Variants in PHC3 observed in about 807,000 individuals in gnomAD.
The protein encoded by PHC3 is polyhomeotic homolog 3.
A neutral mutation model predicts 107.4 loss-of-function variants in PHC3; 13 were observed. The ratio of observed to expected loss-of-function variants is 0.12; its 90% CI spans 0.08 to 0.19. PHC3 has a LOEUF of 0.19. Ranked by LOEUF, PHC3 falls within the 10% of genes least tolerant of loss-of-function variation. The pLI is 1.00. For synonymous variants in PHC3, 456 were observed against 427.4 expected (o/e 1.07, Z -0.83); for missense variants, 992 against 1,210.9 (o/e 0.82, Z 2.68).
intron 8 of PHC3, 62 bp from the exon 9 acceptor site, chr3:170,122,806 TA>T (rs765430737): frequency 3.6e-5 from 56 of 1,551,104 alleles, no homozygotes; most frequent in Non-Finnish European, 4.8e-5. Context: ...CAGGTGTTCT[TA>T]ATTTCAGAAA....
chr3:170,117,384 A>C lies in PHC3; in HGVS notation c.2035T>G (p.Leu679Val), dbSNP rs867365126. The C allele has an allele frequency of 6.2e-7, 1 of 1,613,916 alleles. No homozygotes were observed. Among genetic ancestry groups the C allele is most frequent in the Admixed American group, 1.7e-5 (1 of 60,018 alleles). ...PSHVSVPPPP[L>V]LLPAATTRSN... is the part of the protein sequence containing the mutation. ...CTTGTGGTGGCAGCTGGAAGTAACA[A>C]TGGAGGTGGTGGAACAGAAACATGT... The change falls in exon 10 of 15, where the codon TTG (leucine) becomes GTG (valine). Residue 679 changes from leucine to valine, a missense_variant. Leu to Val is a conservative substitution (Grantham distance 32). This residue lies in a region of PHC3 where 543 missense variants were observed against 590.8 expected (regional missense o/e 0.92). Transcript: ENST00000495893.
chr3:170,139,403 A>G (rs1002722316), intron 6 of PHC3, among the ~76,000 whole-genome samples: 1 of 152,204 alleles, frequency 6.6e-6, no homozygotes, highest in Non-Finnish European at 1.5e-5. Context: ...GAGAAAGACA[A>G]TATAAAATTT....
chr3:170,107,901 A>G (rs986726892), intron 11 of PHC3, among the ~76,000 whole-genome samples: 1 of 152,140 alleles, frequency 6.6e-6, no homozygotes, highest in Non-Finnish European at 1.5e-5. Flanking sequence ...TTCATGACCC[A>G]CAATTTTCTC....
intron 1 of PHC3, 63 bp downstream of exon 1, chr3:170,181,639 A>G: frequency 1.2e-6 from 2 of 1,610,380 alleles, no homozygotes; most frequent in Non-Finnish European, 1.7e-6. Context: ...CCCCTGGGGG[A>G]ACGTGTCGCT....
chr3:170,129,236 A>T lies in PHC3; in HGVS notation c.1236T>A (p.Pro412=). 6.2e-7 allele frequency: 1 copy of T among 1,612,624 alleles called. No individual in the cohort carries two copies. Among genetic ancestry groups the T allele is most frequent in the Non-Finnish European group, 8.5e-7 (1 of 1,178,682 alleles). Residue 412 remains proline (P), a synonymous_variant, in exon 8 of 15, where the codon CCT becomes CCA. Transcript: ENST00000495893. ...QSAQQSVVVS[P]PPPHSPSQSP... ...ACTGACTTGGTGAATGAGGTGGTGG[A>T]GGAGACACCACTACAGACTGCTGTG...
chr3:170,174,509 C>T (rs1279010093), intron 2 of PHC3, among the ~76,000 whole-genome samples: 2 of 152,092 alleles, frequency 1.3e-5, no homozygotes, highest in Non-Finnish European at 2.9e-5. Context: ...CAACCAAATC[C>T]GAAAGTCACA....
chr3:170,155,212 T>A (rs1292242262), intron 4 of PHC3, among the ~76,000 whole-genome samples: 1 of 152,238 alleles, frequency 6.6e-6, no homozygotes, highest in East Asian at 1.9e-4. Context: ...ATTTGAGAGT[T>A]GCCTCTACCG....
At chr3:170,105,147 AT>A (rs1716239504) in intron 12 of PHC3, among the ~76,000 whole-genome samples, 1 of 152,212 alleles carries the variant, frequency 6.6e-6, no homozygotes, top group African/African-American at 2.4e-5. Flanking sequence ...GTTCTCAAAT[AT>A]TTTTAAATAG....
rs372406701 is a variant in PHC3 at position 170,112,549 on chromosome 3, AG to A, written c.2353+810del. Among the ~76,000 whole-genome samples, 617 of 119,526 alleles carry A rather than the reference AG, an allele frequency of 5.2e-3. 3 individuals carry two copies. The highest frequency in any genetic ancestry group is 0.019 in the African/African-American group (588 of 30,890). 78.4% of individuals were successfully genotyped at this position (119,526 alleles called of 152,430 possible). A position where few individuals can be genotyped will look rare whatever the true frequency, so the allele number is the denominator to read the frequency against. ...ATTTTTTTTTTTTTTTTTGAGATGG[AG>A]TCTTGCTCTGTCACCCAGGCTGGAG... On this transcript the variant is annotated intron_variant, in intron 11 of 14. Transcript: ENST00000495893.
chr3:170,089,427 T>C lies in PHC3; in HGVS notation c.*7803A>G, dbSNP rs969377729. On this transcript the variant is annotated 3_prime_UTR_variant, in exon 15 of 15. Transcript: ENST00000495893. ...GTTTCATGTTTACCCGTTCTACATT[T>C]AAAGGATGCCCTTTTACTATATATG... is the stretch of plus-strand genomic sequence containing the variant. 2.0e-5 allele frequency: 3 copies of C among 152,244 alleles called. No individual in the cohort carries two copies. Among genetic ancestry groups the C allele is most frequent in the African/African-American group, 7.2e-5 (3 of 41,462 alleles). The allele number at this position is 152,244 out of a possible 1,614,324, so 9.4% of individuals were successfully genotyped here. A position where few individuals can be genotyped will look rare whatever the true frequency, so the allele number is the denominator to read the frequency against.
chr3:170,119,953 G>T (rs1448291897), intron 9 of PHC3, among the ~76,000 whole-genome samples: 4 of 152,186 alleles, frequency 2.6e-5, no homozygotes, highest in Non-Finnish European at 5.9e-5. Flanking sequence ...TAGCCAGAGA[G>T]ATGTGCTTGT....
At chr3:170,167,140 T>A (rs917317571) in intron 4 of PHC3, among the ~76,000 whole-genome samples, 2 of 152,196 alleles carry the variant, frequency 1.3e-5, no homozygotes, top group Non-Finnish European at 2.9e-5. Context: ...TACTTCATTG[T>A]TATTTGTGCA....
chr3:170,145,487 A>G lies in PHC3; in HGVS notation c.608T>C (p.Val203Ala), dbSNP rs755038233. The change falls in exon 6 of 15, where the codon GTA (valine) becomes GCA (alanine). Residue 203 changes from valine (V) to alanine (A), a missense_variant. This residue lies in a region of PHC3 where 35 missense variants were observed against 73.6 expected (regional missense o/e 0.48). Transcript: ENST00000495893. ...CGAGACAACAGGAATGTCAGACTGT[A>G]CAGCAGCCACAGTGGTAGCGGGTGT... ...IFTPATTVAA[V>A]QSDIPVVSSS... 3 of 1,613,284 alleles carry G rather than the reference A, an allele frequency of 1.9e-6. No individual in the cohort carries two copies. Among genetic ancestry groups the G allele is most frequent in the African/African-American group, 1.3e-5 (1 of 75,038 alleles).
intron 12 of PHC3, among the ~76,000 whole-genome samples, chr3:170,104,548 C>T (rs940421679): frequency 6.6e-6 from 1 of 152,178 alleles, no homozygotes; most frequent in African/African-American, 2.4e-5. Context: ...GCTGGGATTA[C>T]AAGCATGTGC....
chr3:170,180,441 G>C (rs1405552092), intron 1 of PHC3, among the ~76,000 whole-genome samples: 1 of 151,952 alleles, frequency 6.6e-6, no homozygotes, highest in East Asian at 1.9e-4. Flanking sequence ...AAGAGTGAGA[G>C]ACGCTGTCAC....
intron 4 of PHC3, among the ~76,000 whole-genome samples, chr3:170,152,746 A>T (rs1389362274): frequency 6.7e-6 from 1 of 149,856 alleles, no homozygotes; most frequent in East Asian, 2.0e-4. Flanking sequence ...CTGCAGCCCC[A>T]ATTTCCTAGA....
intron 6 of PHC3, among the ~76,000 whole-genome samples, 157 bp downstream of exon 6, chr3:170,145,265 AT>A (rs766165429): frequency 8.3e-4 from 127 of 152,332 alleles, no homozygotes; most frequent in Admixed American, 1.2e-3. Flanking sequence ...AACAAAAAAC[AT>A]TTTCTTGAAG....
chr3:170,168,296 C>T (rs1028068716), intron 4 of PHC3, among the ~76,000 whole-genome samples: 1 of 152,094 alleles, frequency 6.6e-6, no homozygotes, highest in Non-Finnish European at 1.5e-5. Flanking sequence ...CATATTTTCT[C>T]CCATTTTGCT....
At chr3:170,128,575 A>C in intron 8 of PHC3, 109 bp downstream of exon 8, 1 of 1,360,820 alleles carries the variant, frequency 7.3e-7, no homozygotes, top group Non-Finnish European at 9.8e-7. Flanking sequence ...GGAAATTTCA[A>C]GCTTTTTTAG....
Sources: allele counts gnomAD v4.1 joint callset (sites outside exome capture counted in the v4.1 genomes callset), GRCh38; gene constraint gnomAD v4.1.1; regional missense constraint gnomAD v4.1.1; transcripts MANE v1.5; gene names NCBI Gene and HGNC (gene_info 2026-07-23, HGNC 2026-07-21).